The following RBM10 variants were observed in gnomAD, a reference collection of about 807,000 sequenced individuals.
RBM10 encodes RNA-binding protein 10.
A neutral mutation model predicts 84.9 loss-of-function variants in RBM10; 1 was observed. The observed-to-expected ratio is 0.01, with a 90% CI of 0.00 to 0.06. RBM10 has a LOEUF of 0.06. Ranked by LOEUF, RBM10 falls within the 10% of genes least tolerant of loss-of-function variation. RBM10 has a pLI of 1.00. For synonymous variants in RBM10, 326 were observed against 344.5 expected (o/e 0.95, Z 0.60); for missense variants, 438 against 839.0 (o/e 0.52, Z 5.90).
At chrX:47,151,158 C>T (rs1484781127) in intron 2 of RBM10, among the ~76,000 whole-genome samples, 1 of 109,019 alleles carries the variant, frequency 9.2e-6, no homozygotes, top group African/African-American at 3.3e-5. Flanking sequence ...CCTACCTCAG[C>T]CTTCCAAGTA....
At chrX:47,177,993 C>T (rs1556776948) in intron 7 of RBM10, among the ~76,000 whole-genome samples, 1 of 111,210 alleles carries the variant, frequency 9.0e-6, no homozygotes, top group East Asian at 2.8e-4. Flanking sequence ...ACTTCCATCA[C>T]AGAAACGCCA....
At chrX:47,175,317 A>C (rs1363783181) in intron 6 of RBM10, among the ~76,000 whole-genome samples, 1 of 105,442 alleles carries the variant, frequency 9.5e-6, no homozygotes, top group Admixed American at 1.0e-4. Context: ...GCCCCTTCCT[A>C]CCACCAGGCA....
At chrX:47,182,973 G>A (rs1462066010) in intron 17 of RBM10, among the ~76,000 whole-genome samples, 1 of 112,570 alleles carries the variant, frequency 8.9e-6, no homozygotes, top group Non-Finnish European at 1.9e-5. Flanking sequence ...GTCAGGGGAA[G>A]AGGAGTGTCT....
Position 47,182,146 on chromosome X carries a change from C to T in RBM10, c.1786-16C>T, listed in dbSNP as rs2147197575. 8.3e-7 allele frequency: 1 copy of T among 1,211,597 alleles called. No individual in the cohort carries two copies. The highest frequency in any genetic ancestry group is 1.1e-6 in the Non-Finnish European group (1 of 895,466). The stretch of plus-strand genomic sequence containing the variant: ...AGGTCTTCCCTCACATCCCCTCTTC[C>T]CTCCTCCTCCCTCAGTATTACTACA... On this transcript the variant is annotated splice_polypyrimidine_tract_variant and intron_variant, in intron 16 of 23. Transcript: ENST00000377604.
intron 2 of RBM10, among the ~76,000 whole-genome samples, chrX:47,161,114 T>C (rs1184381506): frequency 3.6e-5 from 4 of 110,471 alleles, no homozygotes; most frequent in Admixed American, 9.7e-5. Context: ...TTCTTTCTTT[T>C]TTTCTTTTTC....
Position 47,185,312 on chromosome X carries a change from C to A in RBM10, c.2111C>A (p.Ala704Asp), listed in dbSNP as rs868977796. Reference protein sequence around the residue: ...YAILEKKGALAERQHTSMDLP... With the variant: ...YAILEKKGALDERQHTSMDLP... ...GTCCCTCCACCCCAGGGAGCACTAGCCGAGAGACAGCACACCAGCATGGAT... is the reference window on the plus strand; with the variant it reads ...GTCCCTCCACCCCAGGGAGCACTAGACGAGAGACAGCACACCAGCATGGAT... Residue 704 changes from alanine (A) to aspartate (D), a missense_variant, in exon 19 of 24, where the codon GCC (alanine) becomes GAC (aspartate). Around this residue, in one of 8 missense-constraint regions of RBM10, gnomAD observed 21 missense variants for 16.1 expected, o/e 1.30. Coordinates refer to ENST00000377604, the MANE Select transcript of RBM10 (RefSeq NM_005676.5). 1 of 1,210,737 alleles carries A rather than the reference C, an allele frequency of 8.3e-7. No homozygotes were observed. Among genetic ancestry groups the A allele is most frequent in the Admixed American group, 2.2e-5 (1 of 46,012 alleles).
chrX:47,180,342 T>TGCCCCC, intron 11 of RBM10, 33 bp downstream of exon 11: 1 of 1,059,480 alleles, frequency 9.4e-7, no homozygotes, highest in South Asian at 2.0e-5. Flanking sequence ...TTCCCACCCT[T>TGCCCCC]CCCCTCCCCA....
chrX:47,181,726 C>A (rs1425623930), intron 14 of RBM10, 23 bp from the exon 15 acceptor site: 1 of 1,210,596 alleles, frequency 8.3e-7, no homozygotes, highest in Non-Finnish European at 1.1e-6. Context: ...GAGCCCTGTT[C>A]TCCTGTCTGG....
intron 5 of RBM10, among the ~76,000 whole-genome samples, chrX:47,174,465 T>C (rs1409492190): frequency 9.0e-6 from 1 of 111,509 alleles, no homozygotes; most frequent in African/African-American, 3.3e-5. Context: ...TGGTTTCCAA[T>C]GGGCCAAGAG....
In RBM10 at chrX:47,186,274, A is replaced by G. The variant is rs782711325; in HGVS notation, c.2554A>G (p.Thr852Ala). 8.3e-7 allele frequency: 1 copy of G among 1,208,725 alleles called. No homozygotes were observed. Among genetic ancestry groups the G allele is most frequent in the Non-Finnish European group, 1.1e-6 (1 of 893,840 alleles). ...STASVDFEQPTRDGLGSDNIG... is the reference protein window; with the variant it reads ...STASVDFEQPARDGLGSDNIG... ...CCCCTGCAGAGACTTCGAGCAGCCT[A>G]CTCGGGACGGGCTGGGCAGTGACAA... Residue 852 changes from threonine to alanine, a missense_variant, in exon 23 of 24, where the codon ACT becomes GCT. By Grantham distance (58) the Thr-to-Ala change is moderately conservative (BLOSUM62 0). Coordinates refer to ENST00000377604, the MANE Select transcript of RBM10 (RefSeq NM_005676.5).
chrX:47,153,132 C>CACCACATCCAGCCTGACATGACCT (rs1569169834), intron 2 of RBM10, among the ~76,000 whole-genome samples: 1 of 112,294 alleles, frequency 8.9e-6, no homozygotes, highest in African/African-American at 3.2e-5. Context: ...AGGCATGAGC[C>CACCACATCCAGCCTGACATGACCT]ACCACATCCA....
At chrX:47,165,881 G>A (rs908133956) in intron 2 of RBM10, among the ~76,000 whole-genome samples, 3 of 110,302 alleles carry the variant, frequency 2.7e-5, no homozygotes, top group African/African-American at 6.6e-5. Flanking sequence ...TTATCCGGGC[G>A]TGGCTGCGTG....
At chrX:47,152,774 GACAC>G (rs370048928) in intron 2 of RBM10, among the ~76,000 whole-genome samples, 6,154 of 80,225 alleles carry the variant, frequency 0.077, 390 homozygotes, top group African/African-American at 0.2. Context: ...TCTTTACATA[GACAC>G]ACACACACAC....
At chrX:47,166,160 A>C (rs1200246558) in intron 2 of RBM10, among the ~76,000 whole-genome samples, 1 of 112,267 alleles carries the variant, frequency 8.9e-6, no homozygotes, top group Non-Finnish European at 1.9e-5. Flanking sequence ...TAATCTCAGC[A>C]CTTTGGGAGG....
chrX:47,147,347 C>T lies in RBM10; in HGVS notation c.-125-10C>T, dbSNP rs1932360319. On this transcript the variant is annotated splice_polypyrimidine_tract_variant and intron_variant, in intron 1 of 23. Coordinates refer to ENST00000377604, the MANE Select transcript of RBM10 (RefSeq NM_005676.5). ...AGTTTTGACCCCTTTCTTCCCTCCA[C>T]TCTCCCCAGAGTCCCTGCAGGAAGC... 1.7e-6 allele frequency: 2 copies of T among 1,187,197 alleles called. No homozygotes were observed. The highest frequency in any genetic ancestry group is 2.3e-6 in the Non-Finnish European group (2 of 882,028).
intron 3 of RBM10, among the ~76,000 whole-genome samples, chrX:47,169,769 G>A (rs1209285492): frequency 8.9e-6 from 1 of 112,056 alleles, no homozygotes; most frequent in African/African-American, 3.2e-5. Flanking sequence ...TGTTCAGTTC[G>A]GGCCCATGGC....
intron 19 of RBM10, 33 bp downstream of exon 19, chrX:47,185,400 C>G (rs2147214688): frequency 1.7e-6 from 2 of 1,180,413 alleles, no homozygotes; most frequent in Non-Finnish European, 2.3e-6. Flanking sequence ...GGCGGGGGCT[C>G]TGATCTGGCC....
chrX:47,165,776 T>C (rs920696500), intron 2 of RBM10, among the ~76,000 whole-genome samples: 8 of 111,125 alleles, frequency 7.2e-5, no homozygotes, highest in Non-Finnish European at 1.1e-4. Flanking sequence ...AATCCCAGCA[T>C]TTTGGGAGAC....
intron 6 of RBM10, among the ~76,000 whole-genome samples, chrX:47,175,824 G>A (rs1282694152): frequency 2.7e-5 from 3 of 110,068 alleles, no homozygotes; most frequent in African/African-American, 6.6e-5. Context: ...TGGGACCTCC[G>A]AGACCCAAAG....
Sources: allele counts gnomAD v4.1 joint callset (sites outside exome capture counted in the v4.1 genomes callset), GRCh38; gene constraint gnomAD v4.1.1; regional missense constraint gnomAD v4.1.1; transcripts MANE v1.5; gene names NCBI Gene and HGNC (gene_info 2026-07-23, HGNC 2026-07-21).